ULK4: variants seen among roughly 807,000 people sequenced by gnomAD.
ULK4 encodes inactive serine/threonine-protein kinase ULK4.
Under a neutral mutation model 160.6 loss-of-function variants are expected in ULK4, and 133 were observed. That is an observed-to-expected ratio of 0.83 (90% CI 0.72 to 0.96). The LOEUF is 0.96. ULK4 is among the 40% of genes least tolerant of loss of function. ULK4 has a pLI of 0.00. For missense variants in ULK4, 1,580 were observed against 1,499.5 expected (o/e 1.05, Z -0.89); for synonymous variants, 534 against 539.8 (o/e 0.99, Z 0.15).
intron 16 of ULK4, among the ~76,000 whole-genome samples, chr3:41,890,218 T>C (rs1346604461): frequency 6.6e-6 from 1 of 152,156 alleles, no homozygotes; most frequent in Non-Finnish European, 1.5e-5. Flanking sequence ...ATGGTGAATT[T>C]TATGGTATGT....
chr3:41,454,943 C>T (rs139681762), intron 34 of ULK4, among the ~76,000 whole-genome samples: 125 of 152,270 alleles, frequency 8.2e-4, no homozygotes, highest in African/African-American at 2.9e-3. Context: ...ATGATCCACT[C>T]ACCTTGGTTT....
At chr3:41,408,316 TA>T (rs746988102) in intron 34 of ULK4, among the ~76,000 whole-genome samples, 21 of 148,196 alleles carry the variant, frequency 1.4e-4, no homozygotes, top group Non-Finnish European at 2.8e-4. Context: ...TAGTCCCAGC[TA>T]CTGGGGAGGC....
chr3:41,379,840 T>A (rs986057440), intron 35 of ULK4, among the ~76,000 whole-genome samples: 4 of 152,202 alleles, frequency 2.6e-5, no homozygotes, highest in Non-Finnish European at 1.5e-5. Context: ...GCATGTGGGA[T>A]CATAGGTTTG....
intron 12 of ULK4, among the ~76,000 whole-genome samples, chr3:41,901,719 A>AAGGAG (rs1698372750): frequency 6.6e-6 from 1 of 151,352 alleles, no homozygotes; most frequent in Non-Finnish European, 1.5e-5. Flanking sequence ...GTCTCAGGTG[A>AAGGAG]TCCACCCAAC....
intron 30 of ULK4, among the ~76,000 whole-genome samples, chr3:41,645,073 T>G (rs2034418335): frequency 6.6e-6 from 1 of 151,584 alleles, no homozygotes. Flanking sequence ...ATCTATTTGA[T>G]TCTTCTCTCT....
chr3:41,453,036 TG>T (rs2083456972), intron 34 of ULK4, among the ~76,000 whole-genome samples: 1 of 152,164 alleles, frequency 6.6e-6, no homozygotes, highest in African/African-American at 2.4e-5. Context: ...TTGTAAGCTT[TG>T]GGGTACTTAT....
At chr3:41,458,825 G>A (rs1294553550) in intron 33 of ULK4, among the ~76,000 whole-genome samples, 6 of 152,102 alleles carry the variant, frequency 3.9e-5, no homozygotes, top group African/African-American at 1.4e-4. Context: ...GCACGATCTC[G>A]GCTTAGTGCA....
chr3:41,449,970 CAT>C (rs2083389507), intron 34 of ULK4, among the ~76,000 whole-genome samples: 1 of 149,442 alleles, frequency 6.7e-6, no homozygotes, highest in Non-Finnish European at 1.5e-5. Flanking sequence ...AAAAGGCACA[CAT>C]GATTCATGTG....
intron 32 of ULK4, among the ~76,000 whole-genome samples, chr3:41,493,530 A>G (rs2084871880): frequency 8.2e-6 from 1 of 122,084 alleles, no homozygotes; most frequent in Admixed American, 8.0e-5. Flanking sequence ...TAGAAAAGCA[A>G]GAGCAAACAC....
chr3:41,734,041 T>C (rs937840739), intron 22 of ULK4, among the ~76,000 whole-genome samples: 9 of 152,262 alleles, frequency 5.9e-5, no homozygotes, highest in Admixed American at 2.6e-4. Flanking sequence ...CCCAGCTAGA[T>C]GTTTTCATCA....
chr3:41,746,386 A>T (rs2038425670), intron 22 of ULK4, among the ~76,000 whole-genome samples: 1 of 151,202 alleles, frequency 6.6e-6, no homozygotes. Context: ...TGGAAATTGA[A>T]ATTAATGATG....
chr3:41,347,567 T>C (rs2080824692), intron 35 of ULK4, among the ~76,000 whole-genome samples: 1 of 152,082 alleles, frequency 6.6e-6, no homozygotes, highest in African/African-American at 2.4e-5. Flanking sequence ...ATATATATGG[T>C]TCTCCCTTTC....
intron 2 of ULK4, among the ~76,000 whole-genome samples, chr3:41,941,388 T>C (rs1173609299): frequency 7.1e-6 from 1 of 140,152 alleles, no homozygotes; most frequent in Non-Finnish European, 1.5e-5. Flanking sequence ...CAAACTCTAC[T>C]ACCACTTAAC....
At chr3:41,859,116 G>A (rs1295227028) in intron 17 of ULK4, among the ~76,000 whole-genome samples, 1 of 152,176 alleles carries the variant, frequency 6.6e-6, no homozygotes, top group Non-Finnish European at 1.5e-5. Flanking sequence ...ATTTTCTGGA[G>A]TCAGCACAGT....
intron 30 of ULK4, among the ~76,000 whole-genome samples, chr3:41,635,842 G>A (rs1027343770): frequency 6.6e-6 from 1 of 151,904 alleles, no homozygotes; most frequent in African/African-American, 2.4e-5. Context: ...ATAGAGGGTG[G>A]GATAAAAAGT....
rs1407447665 is a variant in ULK4, at chr3:41,338,954, T to C, written c.3678+59125A>G. Among the ~76,000 whole-genome samples, 5 of 152,016 alleles carry C rather than the reference T, an allele frequency of 3.3e-5. No individual in the cohort carries two copies. The East Asian group carries it at 9.8e-4, about 30-fold the overall frequency. On this transcript the variant is annotated intron_variant, in intron 35 of 36. Coordinates refer to ENST00000301831, the MANE Select transcript of ULK4 (RefSeq NM_017886.4). ...TTGTTCTATTCAGGCCCTCAATGGA[T>C]TGGTGATGCCCACCTACTCTGGGGA...
At chr3:41,875,864 T>C (rs1453505182) in intron 17 of ULK4, among the ~76,000 whole-genome samples, 1 of 151,042 alleles carries the variant, frequency 6.6e-6, no homozygotes, top group South Asian at 2.1e-4. Flanking sequence ...ACTACTTTAA[T>C]CAAATGATCA....
chr3:41,917,455 C>G (rs1416613860), intron 7 of ULK4, among the ~76,000 whole-genome samples: 3 of 151,986 alleles, frequency 2.0e-5, no homozygotes, highest in Non-Finnish European at 4.4e-5. Flanking sequence ...CAGCAGAACC[C>G]TGTCTCTCAA....
chr3:41,910,460 G>C (rs11711210), intron 11 of ULK4, among the ~76,000 whole-genome samples: 103,518 of 151,628 alleles, frequency 0.68, 38,981 homozygotes, highest in East Asian at 0.83. Context: ...CAGGCGAGGT[G>C]GTGGGCCCCT....
Sources: gnomAD v4.1 joint callset for allele counts (sites outside exome capture counted in the v4.1 genomes callset) on GRCh38, gnomAD v4.1.1 for gene constraint, MANE v1.5 for transcripts, NCBI Gene and HGNC (gene_info 2026-07-23, HGNC 2026-07-21) for gene names.